Variants in BCL2L13 observed in about 807,000 individuals in gnomAD.
The protein encoded by BCL2L13 is BCL2 like 13.
In BCL2L13, 13 loss-of-function variants were observed where a neutral mutation model predicts 25.8. The ratio of observed to expected loss-of-function variants is 0.50; its 90% CI spans 0.33 to 0.80. The LOEUF (loss-of-function observed/expected upper bound fraction) is 0.80. Ranked by LOEUF, BCL2L13 falls within the 30% of genes least tolerant of loss-of-function variation. BCL2L13 has a pLI of 0.02. For synonymous variants in BCL2L13, 244 were observed against 230.3 expected (o/e 1.06, Z -0.54); for missense variants, 504 against 574.9 (o/e 0.88, Z 1.26).
Position 17,723,307 on chromosome 22 carries a change from A to G in BCL2L13, c.601-3370A>G, listed in dbSNP as rs1008800621. On this transcript the variant is annotated intron_variant, in intron 6 of 6. Transcript: ENST00000317582. ...CCTAGAAGCCCTCTCTTCCAAGCCA[A>G]TGGGCCCTCCAATTTTCCTAATTGT... is the stretch of plus-strand genomic sequence containing the variant. Among the ~76,000 whole-genome samples the G allele has an allele frequency of 5.9e-5, 9 of 152,186 alleles. No homozygotes were observed. The East Asian group carries it at 9.6e-4, about 16-fold the overall frequency.
At chr22:17,649,596 G>A (rs565518042) in intron 1 of BCL2L13, among the ~76,000 whole-genome samples, 6 of 151,370 alleles carry the variant, frequency 4.0e-5, no homozygotes, top group South Asian at 2.1e-4. Flanking sequence ...TCTGCCTCCC[G>A]GGTTCAAGTG....
chr22:17,705,383 C>T (rs189405261), intron 6 of BCL2L13, among the ~76,000 whole-genome samples: 12 of 151,554 alleles, frequency 7.9e-5, no homozygotes, highest in African/African-American at 2.4e-4. Context: ...CTGCAAGCTC[C>T]GCCTCCCAGG....
At chr22:17,705,833 A>C (rs2060574293) in intron 6 of BCL2L13, among the ~76,000 whole-genome samples, 1 of 152,156 alleles carries the variant, frequency 6.6e-6, no homozygotes, top group Non-Finnish European at 1.5e-5. Context: ...CAAGTGAAAC[A>C]AACTGCCTAC....
intron 2 of BCL2L13, among the ~76,000 whole-genome samples, chr22:17,677,858 ACT>A (rs1434131296): frequency 1.4e-5 from 2 of 147,482 alleles, no homozygotes; most frequent in East Asian, 2.0e-4. Flanking sequence ...ACAGAGCGAG[ACT>A]CTGTCTCAAA....
At chr22:17,715,628 G>C (rs951383696) in intron 6 of BCL2L13, among the ~76,000 whole-genome samples, 1 of 151,568 alleles carries the variant, frequency 6.6e-6, no homozygotes, top group African/African-American at 2.4e-5. Flanking sequence ...CAGGAGCTTA[G>C]AGTTATAAGG....
intron 6 of BCL2L13, among the ~76,000 whole-genome samples, chr22:17,720,101 CTA>C (rs1363041105): frequency 6.8e-6 from 1 of 147,730 alleles, no homozygotes; most frequent in African/African-American, 2.5e-5. Flanking sequence ...TTGCACAACA[CTA>C]TGAATATACT....
intron 6 of BCL2L13, among the ~76,000 whole-genome samples, chr22:17,725,756 A>G (rs1401199889): frequency 3.3e-5 from 5 of 150,658 alleles, no homozygotes; most frequent in Non-Finnish European, 7.4e-5. Flanking sequence ...AGTGTTTTGG[A>G]TTTTAATTTT....
At chr22:17,630,575 G>A (rs1462099236) in intron 1 of BCL2L13, among the ~76,000 whole-genome samples, 1 of 149,056 alleles carries the variant, frequency 6.7e-6, no homozygotes, top group East Asian at 2.0e-4. Context: ...ACTGCACCCG[G>A]CCTTCTTTTT....
intron 2 of BCL2L13, among the ~76,000 whole-genome samples, chr22:17,679,032 C>T (rs959311627): frequency 6.6e-6 from 1 of 152,182 alleles, no homozygotes; most frequent in African/African-American, 2.4e-5. Flanking sequence ...AAAAACCACT[C>T]TCCTCTAACA....
upstream of BCL2L13, chr22:17,628,909 A>AT (rs1034251724): frequency 2.7e-5 from 14 of 516,168 alleles, no homozygotes; most frequent in Non-Finnish European, 3.9e-5. Context: ...CCTGACCGGT[A>AT]TTTTTTTCCT....
chr22:17,702,862 T>C (rs1012244091), intron 6 of BCL2L13: 1 of 152,050 alleles, frequency 6.6e-6, no homozygotes, highest in Admixed American at 6.6e-5. Context: ...TTAAAAAATA[T>C]ATATATAGGG....
chr22:17,638,637 C>T (rs1465459832), upstream of BCL2L13: 4 of 1,219,852 alleles, frequency 3.3e-6, no homozygotes, highest in East Asian at 6.3e-5. Context: ...CACATCTGGA[C>T]GGAGAGACCT....
intron 2 of BCL2L13, among the ~76,000 whole-genome samples, chr22:17,681,818 G>A (rs961433242): frequency 1.3e-5 from 2 of 152,108 alleles, no homozygotes; most frequent in Non-Finnish European, 2.9e-5. Flanking sequence ...TGACTGCCTG[G>A]GTTTGTATCT....
chr22:17,680,584 C>T (rs1450238402), intron 2 of BCL2L13, among the ~76,000 whole-genome samples: 1 of 137,536 alleles, frequency 7.3e-6, no homozygotes, highest in Non-Finnish European at 1.5e-5. Context: ...ATAAGGGAGA[C>T]AGCACAGGAG....
At chr22:17,716,823 G>T (rs1166571647) in intron 6 of BCL2L13, among the ~76,000 whole-genome samples, 2 of 152,112 alleles carry the variant, frequency 1.3e-5, no homozygotes, top group Non-Finnish European at 2.9e-5. Context: ...TCTCCTCTAA[G>T]TAATTGATGG....
At chr22:17,704,565 C>T (rs2060534391) in intron 6 of BCL2L13, among the ~76,000 whole-genome samples, 1 of 151,850 alleles carries the variant, frequency 6.6e-6, no homozygotes, top group African/African-American at 2.4e-5. Context: ...CACCTGAGGT[C>T]AGGAGTTTGA....
At position 17,729,564 on chromosome 22, in the gene BCL2L13, C is replaced by T. The variant is rs2061369208; in HGVS notation, c.*2030C>T. ...AGTTCTGGATCCTCACACCCATTGG[C>T]TGAGCGCATTCAAGCACCAATCGAA... On this transcript the variant is annotated 3_prime_UTR_variant, in exon 7 of 7. Transcript: ENST00000317582. The T allele has an allele frequency of 6.6e-6, 1 of 152,184 alleles. No individual in the cohort carries two copies. Among genetic ancestry groups the T allele is most frequent in the Admixed American group, 6.5e-5 (1 of 15,286 alleles). The allele number at this position is 152,184 out of a possible 1,614,324, so 9.4% of individuals were successfully genotyped here.
intron 6 of BCL2L13, among the ~76,000 whole-genome samples, chr22:17,721,169 CAA>C (rs113679105): frequency 1.0e-4 from 15 of 143,556 alleles, no homozygotes; most frequent in South Asian, 2.1e-4. Context: ...GACTCCGTCT[CAA>C]AAAAAAAAAA....
At chr22:17,646,953 A>ATTTTTTT (rs1242794588) in intron 1 of BCL2L13, among the ~76,000 whole-genome samples, 81 of 21,612 alleles carry the variant, frequency 3.7e-3, no homozygotes, top group East Asian at 6.8e-3. Context: ...ATATATATAT[A>ATTTTTTT]TATTTTTTTT....
Sources: gnomAD v4.1 joint callset for allele counts (sites outside exome capture counted in the v4.1 genomes callset) on GRCh38, gnomAD v4.1.1 for gene constraint, MANE v1.5 for transcripts, NCBI Gene and HGNC (gene_info 2026-07-23, HGNC 2026-07-21) for gene names.